Variants in DSCAML1 observed in about 807,000 individuals in gnomAD.
DSCAML1 encodes DS cell adhesion molecule like 1.
In DSCAML1, 38 loss-of-function variants were observed where a neutral mutation model predicts 200.5. The ratio of observed to expected loss-of-function variants is 0.19; its 90% CI spans 0.15 to 0.25. The LOEUF (loss-of-function observed/expected upper bound fraction) is 0.25. DSCAML1 is among the 10% of genes least tolerant of loss of function. The pLI, the probability that DSCAML1 is intolerant of heterozygous loss-of-function variation, is 1.00. For missense variants in DSCAML1, 2,223 were observed against 2,858.8 expected (o/e 0.78, Z 5.07); for synonymous variants, 1,215 against 1,165.0 (o/e 1.04, Z -0.87).
chr11:117,525,027 C>A lies in DSCAML1; in HGVS notation c.715G>T (p.Ala239Ser). ...LDGFHSQEVW[A>S]GHTVELPCTA... ...CAGGGCAGCTCCACGGTGTGGCCGG[C>A]CCACACTTCCTGGGAGTGGAAGCCA... The change falls in exon 5 of 33, where the codon GCC (alanine) becomes TCC (serine). Residue 239 changes from alanine to serine, a missense_variant. By Grantham distance (99) the Ala-to-Ser change is moderately conservative. Around this residue, in one of 7 missense-constraint regions of DSCAML1, gnomAD observed 579 missense variants for 721.5 expected, o/e 0.80. Coordinates refer to ENST00000651296, the MANE Select transcript of DSCAML1 (RefSeq NM_020693.4). 6.3e-7 allele frequency: 1 copy of A among 1,593,174 alleles called. No homozygotes were observed. The highest frequency in any genetic ancestry group is 8.5e-7 in the Non-Finnish European group (1 of 1,172,446).
intron 3 of DSCAML1, among the ~76,000 whole-genome samples, chr11:117,725,612 G>A (rs1222130908): frequency 6.6e-6 from 1 of 152,170 alleles, no homozygotes; most frequent in Non-Finnish European, 1.5e-5. Flanking sequence ...GTTCCGATCA[G>A]CTGCTGCTCA....
intron 3 of DSCAML1, among the ~76,000 whole-genome samples, chr11:117,673,766 C>T (rs2053157148): frequency 6.6e-6 from 1 of 152,212 alleles, no homozygotes; most frequent in Non-Finnish European, 1.5e-5. Context: ...TTGGTTGGCC[C>T]CAGCTGTGCG....
At chr11:117,757,587 C>G (rs199801166) in intron 3 of DSCAML1, among the ~76,000 whole-genome samples, 6,324 of 128,800 alleles carry the variant, frequency 0.049, 165 homozygotes, top group African/African-American at 0.091. Flanking sequence ...CACACACACA[C>G]ACACACACAC....
At chr11:117,579,544 C>A (rs907069404) in intron 3 of DSCAML1, among the ~76,000 whole-genome samples, 4 of 152,246 alleles carry the variant, frequency 2.6e-5, no homozygotes, top group Non-Finnish European at 5.9e-5. Flanking sequence ...TGCAGACAGG[C>A]CTTCCCTGAC....
chr11:117,749,977 G>A (rs1482689839), intron 3 of DSCAML1, among the ~76,000 whole-genome samples: 1 of 152,234 alleles, frequency 6.6e-6, no homozygotes, highest in African/African-American at 2.4e-5. Context: ...CTTGGTTCGA[G>A]CACTGTTCGA....
intron 3 of DSCAML1, among the ~76,000 whole-genome samples, chr11:117,560,780 C>T (rs2050647638): frequency 6.6e-6 from 1 of 152,338 alleles, no homozygotes; most frequent in Middle Eastern, 3.4e-3. Context: ...GGTTTTCATC[C>T]TGTGCCCCCC....
intron 1 of DSCAML1, among the ~76,000 whole-genome samples, chr11:117,783,833 A>G (rs1275201178): frequency 6.6e-6 from 1 of 151,928 alleles, no homozygotes. Flanking sequence ...CTCCACCCCA[A>G]CCGCATTCCA....
Position 117,480,430 on chromosome 11 carries a change from G to T in DSCAML1, c.2785+13C>A, listed in dbSNP as rs1389638501. On this transcript the variant is annotated intron_variant, in intron 14 of 32. Coordinates refer to ENST00000651296, the MANE Select transcript of DSCAML1 (RefSeq NM_020693.4). The surrounding 1 kb of genome is among the most constrained non-coding windows in gnomAD (Gnocchi z 4.1). ...GGCAGGCCACGCTGTCACCCTCCTGGCCCAGCGCCTACCTGATTTGTTCTT... is the reference window on the plus strand; with the variant it reads ...GGCAGGCCACGCTGTCACCCTCCTGTCCCAGCGCCTACCTGATTTGTTCTT... The T allele has an allele frequency of 1.9e-6, 3 of 1,612,910 alleles. No individual in the cohort carries two copies. The highest frequency in any genetic ancestry group is 2.5e-6 in the Non-Finnish European group (3 of 1,179,588).
chr11:117,813,456 G>A (rs549654519), intron 1 of DSCAML1, among the ~76,000 whole-genome samples: 23 of 152,226 alleles, frequency 1.5e-4, no homozygotes, highest in South Asian at 8.3e-4. Context: ...ATATCTCCTC[G>A]TGCTATCTCC....
At position 117,755,578 on chromosome 11, in the gene DSCAML1, A is replaced by G. The variant is rs527337994; in HGVS notation, c.511+21213T>C. Among the ~76,000 whole-genome samples, 50 of 152,342 alleles carry G rather than the reference A, an allele frequency of 3.3e-4. No homozygotes were observed. The South Asian group carries it at 9.5e-3, about 29-fold the overall frequency. On this transcript the variant is annotated intron_variant, in intron 3 of 32. Transcript: ENST00000651296. Reference sequence around the variant, plus strand: ...AGATTCCCACTTGCTCAGGAATTCTATGCAGACAACATCTCCTCTTGACTA... The same window carrying G: ...AGATTCCCACTTGCTCAGGAATTCTGTGCAGACAACATCTCCTCTTGACTA...
intron 3 of DSCAML1, among the ~76,000 whole-genome samples, chr11:117,597,327 C>T (rs561848816): frequency 1.3e-5 from 2 of 152,316 alleles, no homozygotes; most frequent in African/African-American, 4.8e-5. Flanking sequence ...TTGCTAGAAA[C>T]ACCTCTGCAA....
chr11:117,512,761 T>TCACACACA lies in DSCAML1; in HGVS notation c.1783+3698_1783+3705dup, dbSNP rs71037482. Among the ~76,000 whole-genome samples, 562 of 113,126 alleles carry TCACACACA rather than the reference T, an allele frequency of 5.0e-3. 2 individuals carry two copies. Among genetic ancestry groups the TCACACACA allele is most frequent in the Middle Eastern group, 9.3e-3 (2 of 214 alleles). 74.2% of individuals were successfully genotyped at this position (113,126 alleles called of 152,430 possible). A position where few individuals can be genotyped will look rare whatever the true frequency, so the allele number is the denominator to read the frequency against. On this transcript the variant is annotated intron_variant, in intron 8 of 32. Coordinates refer to ENST00000651296, the MANE Select transcript of DSCAML1 (RefSeq NM_020693.4). ...AAGGCATGGGCTCTGTCCTCTAGGA[T>TCACACACA]CACACACACACACACACACACACAC... is the stretch of plus-strand genomic sequence containing the variant.
chr11:117,650,984 T>A (rs2052620608), intron 3 of DSCAML1, among the ~76,000 whole-genome samples: 1 of 152,178 alleles, frequency 6.6e-6, no homozygotes, highest in South Asian at 2.1e-4. Flanking sequence ...GACAGGGATG[T>A]CTCCTGTGTG....
At chr11:117,526,705 A>C (rs1331852603) in intron 4 of DSCAML1, among the ~76,000 whole-genome samples, 1 of 152,002 alleles carries the variant, frequency 6.6e-6, no homozygotes, top group Non-Finnish European at 1.5e-5. Flanking sequence ...TTTAGTGGAG[A>C]CGGAGTTTCA....
In DSCAML1 at chr11:117,443,926, G is replaced by T. The variant is rs1408324823; in HGVS notation, c.3822C>A (p.Gly1274=). 6.2e-7 allele frequency: 1 copy of T among 1,612,428 alleles called. No homozygotes were observed. The highest frequency in any genetic ancestry group is 1.3e-5 in the African/African-American group (1 of 74,926). ...WVAAVTSAGR[G]NSSEKVTIEP... ...CGATGGTCACCTTCTCGCTGCTGTT[G>T]CCCCGGCCGGCAGAGGTGACGGCGG... Residue 1274 remains glycine (G), a synonymous_variant, in exon 21 of 33, where the codon GGC becomes GGA. Coordinates refer to ENST00000651296, the MANE Select transcript of DSCAML1 (RefSeq NM_020693.4).
intron 3 of DSCAML1, among the ~76,000 whole-genome samples, chr11:117,774,854 C>T (rs1223931990): frequency 6.6e-6 from 1 of 152,112 alleles, no homozygotes; most frequent in Non-Finnish European, 1.5e-5. Flanking sequence ...GCCTCAGTTT[C>T]CTCTTCTGTA....
chr11:117,697,060 C>G (rs749933011), intron 3 of DSCAML1, among the ~76,000 whole-genome samples: 1 of 152,180 alleles, frequency 6.6e-6, no homozygotes, highest in African/African-American at 2.4e-5. Flanking sequence ...AGCTTTGTAA[C>G]GGCTCTGGTA....
rs76279362 is a variant in DSCAML1, at chr11:117,583,536, C to T, written c.512-51014G>A. On this transcript the variant is annotated intron_variant, in intron 3 of 32. Coordinates refer to ENST00000651296, the MANE Select transcript of DSCAML1 (RefSeq NM_020693.4). ...TGCCTTCCCTGATTAGCCCGGCCTA[C>T]GCGGCTCTCTCTTCTCCAGTCCCTG... is the stretch of plus-strand genomic sequence containing the variant. 2.4e-3 allele frequency among the ~76,000 whole-genome samples: 364 copies of T among 152,324 alleles called. 2 individuals are homozygous for T. Among genetic ancestry groups the T allele is most frequent in the African/African-American group, 8.3e-3 (346 of 41,570 alleles).
intron 3 of DSCAML1, among the ~76,000 whole-genome samples, chr11:117,663,777 G>T (rs141429798): frequency 6.6e-6 from 1 of 152,178 alleles, no homozygotes; most frequent in Non-Finnish European, 1.5e-5. Context: ...AGTACAGGGG[G>T]GCTGGGGGAG....
Sources: gnomAD v4.1 joint callset for allele counts (sites outside exome capture counted in the v4.1 genomes callset) on GRCh38, gnomAD v4.1.1 for gene constraint, gnomAD v4.1.1 regional missense constraint, Gnocchi (gnomAD v3.1) non-coding constraint, MANE v1.5 for transcripts, NCBI Gene and HGNC (gene_info 2026-07-23, HGNC 2026-07-21) for gene names.